The following CNTN5 variants were observed in gnomAD, a reference collection of about 807,000 sequenced individuals.
CNTN5 encodes contactin 5, also known as contactin-5.
In CNTN5, 77 loss-of-function variants were observed where a neutral mutation model predicts 129.1. The ratio of observed to expected loss-of-function variants is 0.60; its 90% CI spans 0.50 to 0.72. The LOEUF (loss-of-function observed/expected upper bound fraction) is 0.72. Among genes scored for constraint, CNTN5 ranks in the 30% least tolerant of loss-of-function variants. CNTN5 has a pLI of 0.00. For synonymous variants in CNTN5, 509 were observed against 465.6 expected (o/e 1.09, Z -1.20); for missense variants, 1,478 against 1,328.8 (o/e 1.11, Z -1.75).
rs551379916 is a variant in CNTN5, at chr11:99,308,994, G to T, written c.-209-16352G>T. 2.6e-5 allele frequency among the ~76,000 whole-genome samples: 4 copies of T among 151,960 alleles called. No individual in the cohort carries two copies. The South Asian group carries it at 8.3e-4, about 32-fold the overall frequency. The stretch of plus-strand genomic sequence containing the variant: ...TTATACAAAATATACATTTGATTTT[G>T]TATATATTGTATTCTCTGTAAAAAT... On this transcript the variant is annotated intron_variant, in intron 1 of 24. Coordinates refer to ENST00000524871, the MANE Select transcript of CNTN5 (RefSeq NM_014361.4).
At chr11:99,231,314 T>A (rs1434716393) in intron 1 of CNTN5, among the ~76,000 whole-genome samples, 1 of 152,138 alleles carries the variant, frequency 6.6e-6, no homozygotes, top group Non-Finnish European at 1.5e-5. Flanking sequence ...ACATCTGCTG[T>A]TTCTTGACTT....
intron 2 of CNTN5, among the ~76,000 whole-genome samples, chr11:99,398,993 C>T (rs1007339960): frequency 6.6e-6 from 1 of 151,894 alleles, no homozygotes; most frequent in Non-Finnish European, 1.5e-5. Context: ...ATGTCCTCTC[C>T]AAATTCTTCC....
At chr11:99,792,430 C>T (rs894646851) in intron 3 of CNTN5, among the ~76,000 whole-genome samples, 1 of 151,874 alleles carries the variant, frequency 6.6e-6, no homozygotes, top group African/African-American at 2.4e-5. Context: ...CCTTACTTGA[C>T]TGTGGTGGGC....
rs539057543 is a variant in CNTN5 at position 100,071,873 on chromosome 11, C to T, written c.1429+39C>T. The T allele has an allele frequency of 6.6e-6, 10 of 1,520,914 alleles. No homozygotes were observed. The South Asian group carries it at 1.0e-4, about 16-fold the overall frequency. The allele number at this position is 1,520,914 out of a possible 1,614,324, so 94.2% of individuals were successfully genotyped here. A position where few individuals can be genotyped will look rare whatever the true frequency, so the allele number is the denominator to read the frequency against. On this transcript the variant is annotated intron_variant, in intron 12 of 24. Transcript: ENST00000524871. ...AAGTGAATAAATTGAAAAAAAAAAC[C>T]TTGCTTCTTTTCATGCTCTAATTTT...
At chr11:100,083,526 C>A (rs1944438135) in intron 13 of CNTN5, among the ~76,000 whole-genome samples, 1 of 152,046 alleles carries the variant, frequency 6.6e-6, no homozygotes, top group Non-Finnish European at 1.5e-5. Flanking sequence ...AGGGGACAAA[C>A]ATGTAAACCG....
At chr11:99,907,594 A>G (rs981907186) in intron 6 of CNTN5, among the ~76,000 whole-genome samples, 1 of 151,732 alleles carries the variant, frequency 6.6e-6, no homozygotes, top group African/African-American at 2.4e-5. Context: ...TTTATTTAAA[A>G]ATATATCTTT....
intron 1 of CNTN5, among the ~76,000 whole-genome samples, chr11:99,073,651 TTG>T: frequency 6.6e-6 from 1 of 152,020 alleles, no homozygotes; most frequent in Non-Finnish European, 1.5e-5. Context: ...CACGCGGTGT[TTG>T]GTTTTCTGTT....
intron 15 of CNTN5, among the ~76,000 whole-genome samples, chr11:100,196,931 G>A (rs868002878): frequency 3.9e-5 from 6 of 151,960 alleles, no homozygotes; most frequent in Non-Finnish European, 5.9e-5. Flanking sequence ...CAAAATAAAA[G>A]GCATAGCCCT....
intron 13 of CNTN5, among the ~76,000 whole-genome samples, chr11:100,094,135 A>G (rs1004223): frequency 0.33 from 49,886 of 152,024 alleles, 9,575 homozygotes; most frequent in East Asian, 0.61. Context: ...AAAAAGCACA[A>G]TGGGAGCCAG....
intron 16 of CNTN5, among the ~76,000 whole-genome samples, chr11:100,240,787 C>A (rs1949724489): frequency 6.6e-6 from 1 of 152,112 alleles, no homozygotes; most frequent in Admixed American, 6.5e-5. Context: ...CAAGGTTGCA[C>A]CTGTCTTAAA....
At chr11:99,793,233 G>A (rs952616797) in intron 3 of CNTN5, among the ~76,000 whole-genome samples, 27 of 151,936 alleles carry the variant, frequency 1.8e-4, no homozygotes, top group Non-Finnish European at 3.2e-4. Context: ...CTAATGTTTT[G>A]TATTTTTAGT....
In CNTN5 at chr11:99,421,043, T is replaced by C. The variant is rs10160775; in HGVS notation, c.-71+95559T>C. Among the ~76,000 whole-genome samples, 686 of 152,234 alleles carry C rather than the reference T, an allele frequency of 4.5e-3. 5 individuals carry two copies. Among genetic ancestry groups the C allele is most frequent in the African/African-American group, 0.015 (615 of 41,562 alleles). On this transcript the variant is annotated intron_variant, in intron 2 of 24. Transcript: ENST00000524871. ...TTCCTTATTGCCTGGAAATTATAAT[T>C]GTGTCTTTCATCAGAAAGAGCATGC... is the stretch of plus-strand genomic sequence containing the variant.
At chr11:99,423,746 T>C (rs2135066405) in intron 2 of CNTN5, among the ~76,000 whole-genome samples, 1 of 152,316 alleles carries the variant, frequency 6.6e-6, no homozygotes, top group East Asian at 1.9e-4. Context: ...TCACAACAGG[T>C]TCCCTGGTGA....
chr11:100,193,791 T>C, intron 15 of CNTN5, 128 bp downstream of exon 15: 1 of 709,406 alleles, frequency 1.4e-6, no homozygotes, highest in Non-Finnish European at 2.3e-6. Flanking sequence ...TAAAAACAAT[T>C]ACTTTCTGCC....
intron 3 of CNTN5, among the ~76,000 whole-genome samples, chr11:99,688,634 A>T (rs1953900270): frequency 6.6e-6 from 1 of 152,130 alleles, no homozygotes; most frequent in African/African-American, 2.4e-5. Flanking sequence ...GTCCAGAAAT[A>T]CATTTCCAGG....
At chr11:99,745,930 G>C (rs1342609083) in intron 3 of CNTN5, among the ~76,000 whole-genome samples, 1 of 152,146 alleles carries the variant, frequency 6.6e-6, no homozygotes, top group Non-Finnish European at 1.5e-5. Context: ...TAGCCAAGAA[G>C]ACCAGTGATG....
At chr11:99,897,209 AAAAGT>A (rs1347461644) in intron 6 of CNTN5, among the ~76,000 whole-genome samples, 2 of 152,228 alleles carry the variant, frequency 1.3e-5, no homozygotes, top group Admixed American at 6.5e-5. Flanking sequence ...GAGAAAAAGA[AAAAGT>A]AAACAACCTG....
At chr11:99,275,330 A>C (rs1245061585) in intron 1 of CNTN5, among the ~76,000 whole-genome samples, 2 of 151,536 alleles carry the variant, frequency 1.3e-5, no homozygotes, top group Non-Finnish European at 3.0e-5. Context: ...AACACAGAAA[A>C]ATGTAAGTAA....
At chr11:99,743,929 AAATG>A (rs1461940862) in intron 3 of CNTN5, among the ~76,000 whole-genome samples, 1 of 152,232 alleles carries the variant, frequency 6.6e-6, no homozygotes, top group Non-Finnish European at 1.5e-5. Context: ...CAGAAGCAGT[AAATG>A]TTGAATAGAA....
Sources: allele counts gnomAD v4.1 joint callset (sites outside exome capture counted in the v4.1 genomes callset), GRCh38; gene constraint gnomAD v4.1.1; transcripts MANE v1.5; gene names NCBI Gene and HGNC (gene_info 2026-07-23, HGNC 2026-07-21).